BEND3: variants seen among roughly 807,000 people sequenced by gnomAD.
The protein encoded by BEND3 is BEN domain-containing protein 3.
In BEND3, 13 loss-of-function variants were observed where a neutral mutation model predicts 60.1. That is an observed-to-expected ratio of 0.22 (90% CI 0.14 to 0.34). The LOEUF (loss-of-function observed/expected upper bound fraction) is 0.34, where lower values mean the gene tolerates loss of function less well. BEND3 is among the 10% of genes least tolerant of loss of function. BEND3 has a pLI of 1.00. For missense variants in BEND3, 896 were observed against 1,138.1 expected (o/e 0.79, Z 3.06); for synonymous variants, 497 against 491.5 (o/e 1.01, Z -0.15).
chr6:107,114,585 C>T (rs1355257903), intron 1 of BEND3, among the ~76,000 whole-genome samples: 2 of 151,142 alleles, frequency 1.3e-5, no homozygotes, highest in African/African-American at 2.4e-5. Context: ...CGCTCCGACA[C>T]CCCCTTCCAC....
chr6:107,081,114 G>A (rs1554233484), intron 3 of BEND3, among the ~76,000 whole-genome samples: 1 of 151,904 alleles, frequency 6.6e-6, no homozygotes, highest in Non-Finnish European at 1.5e-5. Flanking sequence ...CGCCATGTTG[G>A]CCAGGATGGT....
chr6:107,087,633 A>G lies in BEND3; in HGVS notation c.240+10918T>C, dbSNP rs141282662. ...GCACCTGTAATCTCAGCTACTCAGG[A>G]GGCTGAGGCAGGAGAATTGCTTGAA... On this transcript the variant is annotated intron_variant, in intron 3 of 3. Coordinates refer to ENST00000369042, the MANE Select transcript of BEND3 (RefSeq NM_001367314.1). Among the ~76,000 whole-genome samples the G allele has an allele frequency of 2.7e-3, 406 of 151,890 alleles. 12 individuals are homozygous for G. The highest frequency in any genetic ancestry group is 0.024 in the Admixed American group (371 of 15,240).
chr6:107,078,652 G>A (rs1554233100), intron 3 of BEND3, among the ~76,000 whole-genome samples: 1 of 150,628 alleles, frequency 6.6e-6, no homozygotes, highest in East Asian at 2.0e-4. Flanking sequence ...CTGACATGGA[G>A]CATGCCCCAT....
Position 107,079,982 on chromosome 6 carries a change from C to T in BEND3, c.241-9032G>A, listed in dbSNP as rs139843390. Among the ~76,000 whole-genome samples, 1,086 of 151,916 alleles carry T rather than the reference C, an allele frequency of 7.1e-3. 15 individuals are homozygous for T. The highest frequency in any genetic ancestry group is 0.025 in the African/African-American group (1,029 of 41,426). On this transcript the variant is annotated intron_variant, in intron 3 of 3. Transcript: ENST00000369042. ...CTGAGCTCAAGTGATCCTCCCGCCT[C>T]GGCCTCCCAAAACGCTAGGATTACA...
chr6:107,073,822 G>A (rs1367906637), intron 3 of BEND3, among the ~76,000 whole-genome samples: 1 of 151,960 alleles, frequency 6.6e-6, no homozygotes, highest in Non-Finnish European at 1.5e-5. Flanking sequence ...GGGAGATTGA[G>A]GCTTCGTAAG....
intron 3 of BEND3, among the ~76,000 whole-genome samples, chr6:107,092,181 C>T (rs1267722664): frequency 2.0e-5 from 3 of 151,040 alleles, no homozygotes; most frequent in African/African-American, 2.4e-5. Flanking sequence ...TGCTTGAACC[C>T]GGGAGGCGGA....
intron 3 of BEND3, among the ~76,000 whole-genome samples, chr6:107,095,016 T>C (rs1291308781): frequency 6.6e-6 from 1 of 151,666 alleles, no homozygotes; most frequent in Non-Finnish European, 1.5e-5. Context: ...AGAGACAAGG[T>C]TTTGCCATAT....
chr6:107,080,367 A>AAC (rs1162832989), intron 3 of BEND3, among the ~76,000 whole-genome samples: 1 of 149,856 alleles, frequency 6.7e-6, no homozygotes, highest in African/African-American at 2.5e-5. Flanking sequence ...AAAAAAAAAA[A>AAC]AAAAAAAAAA....
At chr6:107,109,442 C>CAAAAAA (rs55745315) in intron 1 of BEND3, among the ~76,000 whole-genome samples, 8 of 48,674 alleles carry the variant, frequency 1.6e-4, no homozygotes, top group East Asian at 1.6e-3. Flanking sequence ...GACTCTGTCT[C>CAAAAAA]AAAAAAAAAA....
At chr6:107,106,959 C>T (rs9398114) in intron 1 of BEND3, among the ~76,000 whole-genome samples, 2,487 of 135,740 alleles carry the variant, frequency 0.018, 83 homozygotes, top group East Asian at 0.18. Flanking sequence ...TTTTTTGAGA[C>T]GGAGTCTCGC....
intron 2 of BEND3, 60 bp downstream of exon 2, chr6:107,099,189 A>G: frequency 7.4e-7 from 1 of 1,356,142 alleles, no homozygotes; most frequent in South Asian, 1.2e-5. Flanking sequence ...ATGTGAATGT[A>G]TGACCTGATC....
In BEND3 at chr6:107,067,929, G is replaced by A. The variant is rs1477656699; in HGVS notation, c.*775C>T. 6.6e-6 allele frequency: 1 copy of A among 152,192 alleles called. No individual in the cohort carries two copies. Among genetic ancestry groups the A allele is most frequent in the Non-Finnish European group, 1.5e-5 (1 of 68,052 alleles). The allele number at this position is 152,192 out of a possible 1,614,324, so 9.4% of individuals were successfully genotyped here. ...CGGCTCAGATGGAGACACTGCGAAC[G>A]TGTTTCCACGGCTGTCTACATTCAT... On this transcript the variant is annotated 3_prime_UTR_variant, in exon 4 of 4. Transcript: ENST00000369042.
chr6:107,085,079 C>T (rs192383174), intron 3 of BEND3, among the ~76,000 whole-genome samples: 25 of 152,194 alleles, frequency 1.6e-4, no homozygotes, highest in African/African-American at 5.5e-4. Context: ...AGCGAGACCA[C>T]GAACCCACTG....
Position 107,070,328 on chromosome 6 carries a change from C to A in BEND3, c.863G>T (p.Cys288Phe). 1 of 1,612,924 alleles carries A rather than the reference C, an allele frequency of 6.2e-7. No individual in the cohort carries two copies. Among genetic ancestry groups the A allele is most frequent in the Non-Finnish European group, 8.5e-7 (1 of 1,179,960 alleles). The change falls in exon 4 of 4, where the codon TGC becomes TTC. Residue 288 changes from cysteine to phenylalanine, a missense_variant. Physicochemically the swap from Cys to Phe is radical, Grantham distance 205. Transcript: ENST00000369042. The surrounding 1 kb of genome is among the most constrained non-coding windows in gnomAD (Gnocchi z 6.9). ...LFSDVDFSRG[C>F]SACGFAAKRK... ...CTTGGCCGCAAAGCCACAGGCACTG[C>A]AGCCCCGGGAGAAGTCCACGTCGCT...
At chr6:107,094,795 C>T (rs1459131512) in intron 3 of BEND3, among the ~76,000 whole-genome samples, 5 of 147,140 alleles carry the variant, frequency 3.4e-5, no homozygotes, top group African/African-American at 1.3e-4. Flanking sequence ...TTTGAGATTA[C>T]AGTGAGCTGA....
intron 1 of BEND3, among the ~76,000 whole-genome samples, chr6:107,114,720 C>T (rs1222868203): frequency 6.8e-6 from 1 of 146,362 alleles, no homozygotes; most frequent in Non-Finnish European, 1.5e-5. Context: ...GGGGCCGGCG[C>T]GCGGCGCGAG....
intron 1 of BEND3, among the ~76,000 whole-genome samples, chr6:107,110,117 T>C (rs1266537116): frequency 6.6e-6 from 1 of 152,026 alleles, no homozygotes; most frequent in African/African-American, 2.4e-5. Context: ...AAGCATTGCT[T>C]GAGCCTAGGA....
intron 3 of BEND3, among the ~76,000 whole-genome samples, chr6:107,088,282 A>T (rs1386593844): frequency 2.6e-5 from 4 of 152,174 alleles, no homozygotes; most frequent in Non-Finnish European, 4.4e-5. Flanking sequence ...ACAGAAAAGC[A>T]ACAAGAAAAA....
At chr6:107,113,330 C>T (rs1255627681) in intron 1 of BEND3, among the ~76,000 whole-genome samples, 1 of 149,670 alleles carries the variant, frequency 6.7e-6, no homozygotes, top group Non-Finnish European at 1.5e-5. Context: ...CCAGCTACTC[C>T]GTGAGGCTGA....
Sources: gnomAD v4.1 joint callset for allele counts (sites outside exome capture counted in the v4.1 genomes callset) on GRCh38, gnomAD v4.1.1 for gene constraint, Gnocchi (gnomAD v3.1) non-coding constraint, MANE v1.5 for transcripts, NCBI Gene and HGNC (gene_info 2026-07-23, HGNC 2026-07-21) for gene names.